BPIFA3: variants seen among roughly 807,000 people sequenced by gnomAD.
The protein encoded by BPIFA3 is BPI fold containing family A member 3, also known as BPI fold-containing family A member 3.
In BPIFA3, 32 loss-of-function variants were observed where a neutral mutation model predicts 29.7. That is an observed-to-expected ratio of 1.08 (90% confidence interval 0.81 to 1.45). BPIFA3 has a LOEUF of 1.45. Ranked by LOEUF, BPIFA3 falls within the 40% of genes most tolerant of loss-of-function variation. The pLI is 0.00. For missense variants in BPIFA3, 323 were observed against 311.3 expected (o/e 1.04, Z -0.28); for synonymous variants, 112 against 113.7 (o/e 0.98, Z 0.10).
intron 1 of BPIFA3, among the ~76,000 whole-genome samples, chr20:33,222,675 GATGGATGGATGGATGAGCGGATGA>G (rs1334599065): frequency 7.4e-6 from 1 of 135,540 alleles, no homozygotes; most frequent in East Asian, 2.0e-4. Context: ...TGGATGAGTG[GATGGATGGATGGATGAGCGGATGA>G]ATGGATGGAT....
At chr20:33,227,305 C>T (rs1257513184) in intron 6 of BPIFA3, among the ~76,000 whole-genome samples, 1 of 152,180 alleles carries the variant, frequency 6.6e-6, no homozygotes, top group Non-Finnish European at 1.5e-5. Flanking sequence ...AACCTGAGAC[C>T]ATCTCTACTC....
At chr20:33,219,383 G>A (rs1234907142) in intron 1 of BPIFA3, among the ~76,000 whole-genome samples, 1 of 152,096 alleles carries the variant, frequency 6.6e-6, no homozygotes, top group Non-Finnish European at 1.5e-5. Context: ...TAACTTTGTA[G>A]GTCCTTCACT....
At chr20:33,219,304 C>T (rs1449463360) in intron 1 of BPIFA3, among the ~76,000 whole-genome samples, 3 of 152,112 alleles carry the variant, frequency 2.0e-5, no homozygotes, top group Non-Finnish European at 2.9e-5. Flanking sequence ...AGAGACATTA[C>T]TTAATTCTTG....
intron 3 of BPIFA3, 91 bp downstream of exon 3, chr20:33,224,553 C>T (rs986036943): frequency 8.7e-7 from 1 of 1,148,708 alleles, no homozygotes; most frequent in Admixed American, 1.8e-5. Context: ...AACCTAAATT[C>T]AAATCCTGGC....
In BPIFA3 at chr20:33,224,468, T is replaced by A. The variant is rs1318750315; in HGVS notation, c.386+6T>A. On this transcript the variant is annotated splice_donor_region_variant and intron_variant, in intron 3 of 6. Transcript: ENST00000375454. ...TTTGACCTTGAATTGAGACCGTGAGTCATACAGAAGCAGAATCTGAGAGGT... is the reference window on the plus strand; with the variant it reads ...TTTGACCTTGAATTGAGACCGTGAGACATACAGAAGCAGAATCTGAGAGGT... 1.9e-6 allele frequency: 3 copies of A among 1,605,076 alleles called. No homozygotes were observed. In the Admixed American group the frequency reaches 5.0e-5, roughly 27 times the overall value.
chr20:33,225,775 A>G (rs555768261), intron 4 of BPIFA3: 1 of 161,208 alleles, frequency 6.2e-6, no homozygotes, highest in Admixed American at 6.0e-5. Context: ...TCCACCACAC[A>G]CCGTACATTT....
chr20:33,227,502 C>T, intron 6 of BPIFA3, 36 bp from the exon 7 acceptor site: 6 of 1,549,774 alleles, frequency 3.9e-6, no homozygotes, highest in Non-Finnish European at 5.3e-6. Context: ...GGGAGGTGGG[C>T]ACACTGGTGA....
Position 33,224,421 on chromosome 20 carries a change from C to T in BPIFA3, c.345C>T (p.Phe115=). 1.9e-6 allele frequency: 3 copies of T among 1,614,146 alleles called. No individual in the cohort carries two copies. The highest frequency in any genetic ancestry group is 2.5e-6 in the Non-Finnish European group (3 of 1,179,970). The change falls in exon 3 of 7, where the codon TTC becomes TTT. Residue 115 remains phenylalanine (F), a synonymous_variant. Transcript: ENST00000375454. ...GIQISFHKEW[F]SANISLEFDL... ...AGATATCATTCCATAAGGAGTGGTT[C>T]TCGGCAAATATCTCACTTGAATTTG...
In BPIFA3 at chr20:33,226,211, T is replaced by C. The variant is rs1985771066; in HGVS notation, c.537-195T>C. On this transcript the variant is annotated intron_variant, in intron 4 of 6. Transcript: ENST00000375454. The stretch of plus-strand genomic sequence containing the variant: ...GTGCTCTATTGCCATGTTTCTAATA[T>C]AACCAGCACTTATTAGCTGTGTGAC... 3.9e-5 allele frequency: 21 copies of C among 535,884 alleles called. 1 individual carries two copies. In the South Asian group the frequency reaches 5.1e-4, roughly 13 times the overall value. 33.2% of individuals were successfully genotyped at this position (535,884 alleles called of 1,614,324 possible).
intron 1 of BPIFA3, among the ~76,000 whole-genome samples, chr20:33,220,683 T>C (rs1299913259): frequency 3.3e-5 from 5 of 152,240 alleles, no homozygotes; most frequent in African/African-American, 1.2e-4. Flanking sequence ...GAAGGAAAGC[T>C]GTTGACTTCT....
intron 5 of BPIFA3, 66 bp from the exon 6 acceptor site, chr20:33,226,864 C>T: frequency 6.3e-7 from 1 of 1,590,808 alleles, no homozygotes; most frequent in Non-Finnish European, 8.6e-7. Flanking sequence ...AGTTTCCTGC[C>T]ACAGTCACTT....
At chr20:33,224,190 G>A (rs897818634) in intron 2 of BPIFA3, among the ~76,000 whole-genome samples, 165 bp from the exon 3 acceptor site, 1 of 152,200 alleles carries the variant, frequency 6.6e-6, no homozygotes, top group African/African-American at 2.4e-5. Flanking sequence ...GCAGTCCAGG[G>A]CTCCCGCACC....
rs375292892 is a variant in BPIFA3 at position 33,227,565 on chromosome 20, A to T, written c.713A>T (p.His238Leu). The T allele has an allele frequency of 6.1e-5, 98 of 1,614,064 alleles. No individual in the cohort carries two copies. In the African/African-American group the frequency reaches 1.1e-3, roughly 18 times the overall value. ...CAGGAGGCTGCTCATGAACCAACCC[A>T]CCATGAAACCAGCCAACCCTCTGCA... ...IEQEAAHEPT[H>L]HETSQPSACQ... The change falls in exon 7 of 7, where the codon CAC (histidine) becomes CTC (leucine). Residue 238 changes from histidine to leucine, a missense_variant. Transcript: ENST00000375454.
chr20:33,219,092 G>A (rs1297661054), intron 1 of BPIFA3, among the ~76,000 whole-genome samples: 2 of 151,998 alleles, frequency 1.3e-5, no homozygotes, highest in East Asian at 1.9e-4. Context: ...ATTTAGTGGC[G>A]ATGGGGTTTC....
At position 33,221,734 on chromosome 20, in the gene BPIFA3, C is replaced by A. The variant is rs113586554; in HGVS notation, c.128-2077C>A. On this transcript the variant is annotated intron_variant, in intron 1 of 6. Coordinates refer to ENST00000375454, the MANE Select transcript of BPIFA3 (RefSeq NM_178466.5). The stretch of plus-strand genomic sequence containing the variant: ...TATTTGTTAAGAAATTTCTTAATTT[C>A]TTTGGTTATGAATGTTTTCTATTTT... Among the ~76,000 whole-genome samples, 19 of 152,182 alleles carry A rather than the reference C, an allele frequency of 1.2e-4. 1 individual carries two copies. The highest frequency in any genetic ancestry group is 3.6e-4 in the African/African-American group (15 of 41,520).
At chr20:33,226,372 C>G (rs1985778142) in intron 4 of BPIFA3, 34 bp from the exon 5 acceptor site, 1 of 1,480,280 alleles carries the variant, frequency 6.8e-7, no homozygotes, top group Non-Finnish European at 9.4e-7. Flanking sequence ...CTGGATTGCT[C>G]TGTTCTGTTC....
Position 33,227,060 on chromosome 20 carries a change from G to A in BPIFA3, c.685+67G>A. 10 of 1,442,106 alleles carry A rather than the reference G, an allele frequency of 6.9e-6. 2 individuals are homozygous for A. In the South Asian group the frequency reaches 1.1e-4, roughly 16 times the overall value. The allele number at this position is 1,442,106 out of a possible 1,614,324, so 89.3% of individuals were successfully genotyped here. ...CAAGTGGCTGAAAGAGGTACCCCCG[G>A]CCCTGGAGCCCCCAGGGAGGCCTGC... On this transcript the variant is annotated intron_variant, in intron 6 of 6. Transcript: ENST00000375454.
chr20:33,221,027 C>T (rs769772336), intron 1 of BPIFA3, among the ~76,000 whole-genome samples: 3 of 152,140 alleles, frequency 2.0e-5, no homozygotes, highest in Non-Finnish European at 4.4e-5. Context: ...TGTTTCTCTG[C>T]ATCTAAAAGT....
intron 1 of BPIFA3, among the ~76,000 whole-genome samples, chr20:33,219,450 G>A (rs1985411130): frequency 6.6e-6 from 1 of 152,154 alleles, no homozygotes; most frequent in Non-Finnish European, 1.5e-5. Context: ...TGTTTGGAAA[G>A]TCTTAAGACC....
Sources: gnomAD v4.1 joint callset for allele counts (sites outside exome capture counted in the v4.1 genomes callset) on GRCh38, gnomAD v4.1.1 for gene constraint, MANE v1.5 for transcripts, NCBI Gene and HGNC (gene_info 2026-07-23, HGNC 2026-07-21) for gene names.